The following PLXNA2 variants were observed in gnomAD, a reference collection of about 807,000 sequenced individuals.
The protein encoded by PLXNA2 is plexin A2.
PLXNA2 carries 91 observed loss-of-function variants against 193.5 expected under a neutral mutation model. That is an observed-to-expected ratio of 0.47 (90% CI 0.40 to 0.56). PLXNA2 has a LOEUF of 0.56. Among genes scored for constraint, PLXNA2 ranks in the 20% least tolerant of loss-of-function variants. The pLI, the probability that PLXNA2 is intolerant of heterozygous loss-of-function variation, is 0.00. For synonymous variants in PLXNA2, 997 were observed against 1,027.3 expected, an observed-to-expected ratio of 0.97 and a Z score of 0.56; for missense variants, 1,995 against 2,503.2, an observed-to-expected ratio of 0.80 and a Z score of 4.33.
chr1:208,103,904 C>G (rs1667178336), intron 4 of PLXNA2, among the ~76,000 whole-genome samples: 1 of 152,210 alleles, frequency 6.6e-6, no homozygotes, highest in African/African-American at 2.4e-5. Flanking sequence ...ACCCTGCCCC[C>G]CAGAGAGTGT....
At chr1:208,238,859 A>C (rs1671951127) in intron 1 of PLXNA2, among the ~76,000 whole-genome samples, 1 of 152,222 alleles carries the variant, frequency 6.6e-6, no homozygotes, top group African/African-American at 2.4e-5. Flanking sequence ...TCTGTTGCTG[A>C]TAAGAACGGC....
chr1:208,049,107 C>A (rs931527302), intron 17 of PLXNA2, among the ~76,000 whole-genome samples: 3 of 152,176 alleles, frequency 2.0e-5, no homozygotes, highest in African/African-American at 7.2e-5. Flanking sequence ...CCTGCAGAAA[C>A]CACATAAAGA....
At chr1:208,074,374 C>T (rs1477297209) in intron 12 of PLXNA2, among the ~76,000 whole-genome samples, 9 of 152,278 alleles carry the variant, frequency 5.9e-5, no homozygotes, top group East Asian at 5.8e-4. Context: ...CAGACACCCA[C>T]GATGACAGCT....
chr1:208,133,685 G>A (rs934704726), intron 4 of PLXNA2, among the ~76,000 whole-genome samples: 2 of 152,230 alleles, frequency 1.3e-5, no homozygotes, highest in African/African-American at 4.8e-5. Context: ...GGCCTAGGTT[G>A]TTTTAATGTT....
intron 3 of PLXNA2, among the ~76,000 whole-genome samples, chr1:208,183,838 A>G (rs796410287): frequency 4.6e-5 from 7 of 152,286 alleles, no homozygotes; most frequent in Admixed American, 2.0e-4. Flanking sequence ...TTAGGCTTTC[A>G]TGGTACCCTA....
intron 4 of PLXNA2, among the ~76,000 whole-genome samples, chr1:208,125,832 C>A (rs1198028549): frequency 6.6e-6 from 1 of 152,154 alleles, no homozygotes; most frequent in African/African-American, 2.4e-5. Context: ...AGCTTAAAGC[C>A]TGATGGGGGA....
intron 4 of PLXNA2, among the ~76,000 whole-genome samples, chr1:208,121,972 C>A (rs1667819679): frequency 6.6e-6 from 1 of 152,128 alleles, no homozygotes; most frequent in Non-Finnish European, 1.5e-5. Context: ...GACAGGCAGG[C>A]CCACCACACT....
intron 12 of PLXNA2, among the ~76,000 whole-genome samples, chr1:208,072,734 C>T (rs1198180424): frequency 6.6e-6 from 1 of 152,190 alleles, no homozygotes; most frequent in African/African-American, 2.4e-5. Flanking sequence ...GCCCCAATAT[C>T]CCCTTCTTGT....
chr1:208,091,148 G>A (rs540252553), intron 9 of PLXNA2, among the ~76,000 whole-genome samples: 6 of 152,338 alleles, frequency 3.9e-5, no homozygotes, highest in South Asian at 2.1e-4. Flanking sequence ...GCCTGGTTTC[G>A]TCATGCTGAG....
At chr1:208,049,308 T>TTG (rs1334794387) in intron 17 of PLXNA2, among the ~76,000 whole-genome samples, 1 of 138,248 alleles carries the variant, frequency 7.2e-6, no homozygotes, top group Non-Finnish European at 1.6e-5. Context: ...TTTGCTTGCT[T>TTG]TTTTTTTTTT....
chr1:208,037,009 T>A (rs930036663), intron 26 of PLXNA2, among the ~76,000 whole-genome samples: 2 of 152,212 alleles, frequency 1.3e-5, no homozygotes, highest in Non-Finnish European at 2.9e-5. Context: ...TTCTACTGGA[T>A]ACATTAAGCA....
rs766942124 is a variant in PLXNA2, at chr1:208,085,706, GC to G, written c.2098-1127del. 4.1e-4 allele frequency among the ~76,000 whole-genome samples: 62 copies of G among 152,260 alleles called. 1 individual carries two copies. The highest frequency in any genetic ancestry group is 7.2e-4 in the Non-Finnish European group (49 of 68,016). ...TCGGGCTGTTGCCTCTTTTCTCTGG[GC>G]CCCACTTGCAAGCCGTTCAGCATCT... On this transcript the variant is annotated intron_variant, in intron 9 of 31. Transcript: ENST00000367033.
At chr1:208,036,264 A>G (rs1264260214) in intron 26 of PLXNA2, among the ~76,000 whole-genome samples, 1 of 152,216 alleles carries the variant, frequency 6.6e-6, no homozygotes, top group Non-Finnish European at 1.5e-5. Context: ...GGGAGAACAG[A>G]TTACATTATC....
intron 3 of PLXNA2, among the ~76,000 whole-genome samples, chr1:208,172,762 C>T (rs1669534163): frequency 6.6e-6 from 1 of 152,174 alleles, no homozygotes; most frequent in African/African-American, 2.4e-5. Flanking sequence ...CTGCAGGAGC[C>T]TGCACAAAGC....
At chr1:208,156,972 G>A (rs1668959132) in intron 3 of PLXNA2, among the ~76,000 whole-genome samples, 1 of 152,150 alleles carries the variant, frequency 6.6e-6, no homozygotes, top group Non-Finnish European at 1.5e-5. Flanking sequence ...CTTGTTGCAT[G>A]GAAGTCACAG....
rs1670898803 is a variant in PLXNA2, at chr1:208,210,379, C to T, written c.1272G>A (p.Leu424=). The T allele has an allele frequency of 3.7e-6, 6 of 1,613,882 alleles. No homozygotes were observed. The highest frequency in any genetic ancestry group is 2.2e-5 in the East Asian group (1 of 44,864). The change falls in exon 3 of 32, where the codon CTG becomes CTA. Residue 424 remains leucine, a synonymous_variant. Transcript: ENST00000367033. ...GGSTPVEGLT[L]YTTSRDRMTS... ...TCATGCGGTCCCTGCTGGTGGTGTA[C>T]AGGGTCAGGCCCTCCACTGGAGTTG...
chr1:208,134,742 C>T (rs144114121), intron 4 of PLXNA2, among the ~76,000 whole-genome samples: 11 of 152,290 alleles, frequency 7.2e-5, no homozygotes, highest in Non-Finnish European at 1.3e-4. Context: ...GCATGCTCTG[C>T]CTGCACCCTG....
Position 208,136,367 on chromosome 1 carries a change from T to C in PLXNA2, c.1506+5962A>G, listed in dbSNP as rs78005771. On this transcript the variant is annotated intron_variant, in intron 4 of 31. Coordinates refer to ENST00000367033, the MANE Select transcript of PLXNA2 (RefSeq NM_025179.4). ...GCCAACTACTAGTACATCTAGGACA[T>C]TCGGAACTGGGGTCTGAATGTTCAC... Among the ~76,000 whole-genome samples the C allele has an allele frequency of 6.6e-5, 10 of 152,328 alleles. No homozygotes were observed. The East Asian group carries it at 1.3e-3, about 21-fold the overall frequency.
At chr1:208,154,059 G>T (rs1023763600) in intron 3 of PLXNA2, among the ~76,000 whole-genome samples, 1 of 152,020 alleles carries the variant, frequency 6.6e-6, no homozygotes, top group Non-Finnish European at 1.5e-5. Context: ...GGATTGTCTC[G>T]ATCTGCTTGT....
Sources: allele counts gnomAD v4.1 joint callset (sites outside exome capture counted in the v4.1 genomes callset), GRCh38; gene constraint gnomAD v4.1.1; transcripts MANE v1.5; gene names NCBI Gene and HGNC (gene_info 2026-07-23, HGNC 2026-07-21).